The following SPRED1 variants were observed in gnomAD, a reference collection of about 807,000 sequenced individuals.
The protein encoded by SPRED1 is sprouty related EVH1 domain containing 1, also known as sprouty-related, EVH1 domain-containing protein 1.
Under a neutral mutation model 52.3 loss-of-function variants are expected in SPRED1, and 18 were observed. The observed-to-expected ratio is 0.34, with a 90% confidence interval of 0.24 to 0.51. The LOEUF is 0.51. SPRED1 is among the 20% of genes least tolerant of loss of function. The pLI, the probability that SPRED1 is intolerant of heterozygous loss-of-function variation, is 0.97. For missense variants in SPRED1, 485 were observed against 551.0 expected (o/e 0.88, Z 1.20); for synonymous variants, 155 against 179.7 (o/e 0.86, Z 1.10).
chr15:38,280,786 G>A (rs1894670260), intron 1 of SPRED1, among the ~76,000 whole-genome samples: 1 of 152,160 alleles, frequency 6.6e-6, no homozygotes. Flanking sequence ...ATAACTACTT[G>A]TGAACTCTAT....
At chr15:38,286,224 C>T in intron 1 of SPRED1, among the ~76,000 whole-genome samples, 1 of 35,902 alleles carries the variant, frequency 2.8e-5, no homozygotes, top group African/African-American at 8.2e-5. Flanking sequence ...GCACTCCAGC[C>T]TCAAAAAAAA....
rs869310453 is a variant in SPRED1 at position 38,347,485 on chromosome 15, T to TTTTTTTTTTTTTTTC, written c.583-1937_583-1936insTTTTTTTTTTTTTTC. On this transcript the variant is annotated intron_variant, in intron 5 of 6. Coordinates refer to ENST00000299084, the MANE Select transcript of SPRED1 (RefSeq NM_152594.3). ...TCTTTTTTTTTTTTTTTTTTTTTTT[T>TTTTTTTTTTTTTTTC]CAATTTGGCTGTTTGCCCTTTTAAA... 3.2e-5 allele frequency among the ~76,000 whole-genome samples: 3 copies of TTTTTTTTTTTTTTTC among 94,062 alleles called. 1 individual carries two copies. The highest frequency in any genetic ancestry group is 1.1e-4 in the African/African-American group (3 of 26,462). 61.7% of individuals were successfully genotyped at this position (94,062 alleles called of 152,430 possible).
chr15:38,276,470 C>T (rs1393647947), intron 1 of SPRED1, among the ~76,000 whole-genome samples: 3 of 152,014 alleles, frequency 2.0e-5, no homozygotes, highest in Non-Finnish European at 4.4e-5. Flanking sequence ...TAACATTATA[C>T]ACTCATTAAA....
intron 1 of SPRED1, among the ~76,000 whole-genome samples, chr15:38,288,084 A>G (rs1268468034): frequency 6.6e-6 from 1 of 152,110 alleles, no homozygotes; most frequent in African/African-American, 2.4e-5. Context: ...TTGGATTGTA[A>G]CAATATACCT....
intron 2 of SPRED1, among the ~76,000 whole-genome samples, chr15:38,309,204 G>T (rs1895312932): frequency 6.6e-6 from 1 of 152,160 alleles, no homozygotes; most frequent in Non-Finnish European, 1.5e-5. Flanking sequence ...GCAGTGGCGT[G>T]ATCTTGGCTC....
intron 1 of SPRED1, among the ~76,000 whole-genome samples, chr15:38,265,892 A>G (rs908721370): frequency 6.6e-6 from 1 of 152,124 alleles, no homozygotes; most frequent in Non-Finnish European, 1.5e-5. Context: ...AAAGGTTTAG[A>G]ATTTAATTTT....
intron 2 of SPRED1, among the ~76,000 whole-genome samples, chr15:38,300,672 C>T (rs1895134192): frequency 6.6e-6 from 1 of 152,100 alleles, no homozygotes; most frequent in Non-Finnish European, 1.5e-5. Flanking sequence ...ATGATTCACC[C>T]ATGCTACACA....
Position 38,272,296 on chromosome 15 carries a change from T to A in SPRED1, c.32+19079T>A, listed in dbSNP as rs547511429. Among the ~76,000 whole-genome samples, 5 of 78,470 alleles carry A rather than the reference T, an allele frequency of 6.4e-5. No homozygotes were observed. The South Asian group carries it at 2.3e-3, about 36-fold the overall frequency. 51.5% of individuals were successfully genotyped at this position (78,470 alleles called of 152,430 possible). A position where few individuals can be genotyped will look rare whatever the true frequency, so the allele number is the denominator to read the frequency against. On this transcript the variant is annotated intron_variant, in intron 1 of 6. Coordinates refer to ENST00000299084, the MANE Select transcript of SPRED1 (RefSeq NM_152594.3). ...GCTAGGTTTTTTTTTTGAGATGAAGTCTTGCTCTGTTGCTGAGGCTGGAGT... is the reference window on the plus strand; with the variant it reads ...GCTAGGTTTTTTTTTTGAGATGAAGACTTGCTCTGTTGCTGAGGCTGGAGT...
At chr15:38,258,602 A>G (rs185809242) in intron 1 of SPRED1, among the ~76,000 whole-genome samples, 216 of 152,316 alleles carry the variant, frequency 1.4e-3, no homozygotes, top group Middle Eastern at 3.4e-3. Flanking sequence ...AGAAGTATTT[A>G]GTATATGAGA....
chr15:38,332,725 C>T (rs139074424), intron 4 of SPRED1, among the ~76,000 whole-genome samples: 1 of 152,240 alleles, frequency 6.6e-6, no homozygotes, highest in East Asian at 1.9e-4. Flanking sequence ...CAGTGTGTGC[C>T]AGGCATATAG....
Position 38,299,412 on chromosome 15 carries a change from A to T in SPRED1, c.72A>T (p.Arg24=). 6.2e-7 allele frequency: 1 copy of T among 1,613,962 alleles called. No homozygotes were observed. The highest frequency in any genetic ancestry group is 8.5e-7 in the Non-Finnish European group (1 of 1,179,920). Residue 24 remains arginine (R), a synonymous_variant, in exon 2 of 7, where the codon CGA becomes CGT. Transcript: ENST00000299084. ...YARVRAVVMT[R]DDSSGGWLPL... ...GAGTGCGAGCTGTGGTGATGACCCG[A>T]GATGACTCAAGTGGTGGATGGTTAC... is the stretch of plus-strand genomic sequence containing the variant.
rs986112492 is a variant in SPRED1 at position 38,299,244 on chromosome 15, A to T, written c.33-129A>T. 23 of 1,030,452 alleles carry T rather than the reference A, an allele frequency of 2.2e-5. No homozygotes were observed. The East Asian group carries it at 2.4e-4, about 11-fold the overall frequency. The allele number at this position is 1,030,452 out of a possible 1,614,324, so 63.8% of individuals were successfully genotyped here. A position where few individuals can be genotyped will look rare whatever the true frequency, so the allele number is the denominator to read the frequency against. On this transcript the variant is annotated intron_variant, in intron 1 of 6. Transcript: ENST00000299084. ...AGTAGGCTACTTTCTGTAGATTTTC[A>T]TGGAAGTAGTAAACACCTTAGTCAC...
At chr15:38,262,713 C>A (rs761916713) in intron 1 of SPRED1, among the ~76,000 whole-genome samples, 1 of 152,090 alleles carries the variant, frequency 6.6e-6, no homozygotes, top group Non-Finnish European at 1.5e-5. Flanking sequence ...TGGCAGAAGC[C>A]CCTGGAAATC....
chr15:38,346,287 C>G lies in SPRED1; in HGVS notation c.583-3135C>G, dbSNP rs1459730822. ...AGCCACGTACGCCATTGCACCCAAC[C>G]TGGGTGATAGAGTGAGACCTTGTCT... On this transcript the variant is annotated intron_variant, in intron 5 of 6. Coordinates refer to ENST00000299084, the MANE Select transcript of SPRED1 (RefSeq NM_152594.3). Among the ~76,000 whole-genome samples, 8 of 147,266 alleles carry G rather than the reference C, an allele frequency of 5.4e-5. No individual in the cohort carries two copies. The Admixed American group carries it at 5.5e-4, about 10-fold the overall frequency.
chr15:38,324,661 A>G, intron 3 of SPRED1, 102 bp from the exon 4 acceptor site: 1 of 918,280 alleles, frequency 1.1e-6, no homozygotes, highest in South Asian at 1.6e-5. Flanking sequence ...AAGATCTCTG[A>G]TTAGTCTTCT....
intron 4 of SPRED1, among the ~76,000 whole-genome samples, chr15:38,337,583 A>T (rs1490436932): frequency 9.9e-5 from 15 of 152,176 alleles, no homozygotes; most frequent in Non-Finnish European, 2.2e-4. Flanking sequence ...TGAAGCAATA[A>T]ACACTTGTGA....
Position 38,351,415 on chromosome 15 carries a change from C to G in SPRED1, c.1086C>G (p.Cys362Trp). ...ATGCTCCAGACCCTATTAAAAGATG[C>G]ATATATCAAGTTAGTTGCATGCTCT... ...CQDAPDPIKRCIYQVSCMLCA... is the reference protein window; with the variant it reads ...CQDAPDPIKRWIYQVSCMLCA... Residue 362 changes from cysteine to tryptophan, a missense_variant, in exon 7 of 7, where the codon TGC becomes TGG. Physicochemically the swap from Cys to Trp is radical, Grantham distance 215 (BLOSUM62 -2). Transcript: ENST00000299084. The G allele has an allele frequency of 6.2e-7, 1 of 1,614,118 alleles. No homozygotes were observed. Among genetic ancestry groups the G allele is most frequent in the African/African-American group, 1.3e-5 (1 of 75,016 alleles).
At chr15:38,339,216 T>G (rs1271308628) in intron 4 of SPRED1, among the ~76,000 whole-genome samples, 5 of 152,030 alleles carry the variant, frequency 3.3e-5, no homozygotes, top group African/African-American at 9.7e-5. Flanking sequence ...CTAATAAGAG[T>G]ACATGATTTA....
chr15:38,314,899 G>A lies in SPRED1; in HGVS notation c.208-7342G>A, dbSNP rs1297982597. The stretch of plus-strand genomic sequence containing the variant: ...CCTTTTGTGGTAGCTGAAGGTAACG[G>A]AACTGCTATTGTGTGAGAATCACTG... On this transcript the variant is annotated intron_variant, in intron 2 of 6. Transcript: ENST00000299084. Among the ~76,000 whole-genome samples the A allele has an allele frequency of 2.0e-5, 3 of 151,504 alleles. No homozygotes were observed. In the East Asian group the frequency reaches 5.8e-4, roughly 29 times the overall value.
Sources: allele counts gnomAD v4.1 joint callset (sites outside exome capture counted in the v4.1 genomes callset), GRCh38; gene constraint gnomAD v4.1.1; transcripts MANE v1.5; gene names NCBI Gene and HGNC (gene_info 2026-07-23, HGNC 2026-07-21).